Variants in UPF1 observed in about 807,000 individuals in gnomAD.
UPF1 encodes UPF1 RNA helicase and ATPase, also known as regulator of nonsense transcripts 1.
UPF1 carries 9 observed loss-of-function variants against 129.2 expected under a neutral mutation model. That is an observed-to-expected ratio of 0.07 (90% CI 0.04 to 0.12). UPF1 has a LOEUF of 0.12. UPF1 is among the 10% of genes least tolerant of loss of function. The pLI, the probability that UPF1 is intolerant of heterozygous loss-of-function variation, is 1.00. For missense variants in UPF1, 788 were observed against 1,525.3 expected (o/e 0.52, Z 8.05); for synonymous variants, 649 against 644.9 (o/e 1.01, Z -0.10).
chr19:18,849,484 G>A (rs2055634960), intron 3 of UPF1: 1 of 157,772 alleles, frequency 6.3e-6, no homozygotes, highest in Admixed American at 6.1e-5. Flanking sequence ...CAAGGAAGGA[G>A]CCGAGCCAGC....
rs2055837343 is a variant in UPF1, at chr19:18,865,805, AC to A, written c.3237+29del. On this transcript the variant is annotated intron_variant, in intron 22 of 23. Coordinates refer to ENST00000262803, the MANE Select transcript of UPF1 (RefSeq NM_002911.4). The surrounding 1 kb of genome is among the most constrained non-coding windows in gnomAD (Gnocchi z 6.1). Reference sequence around the variant, plus strand: ...TGAGCCCGCCCCTGGGACGGGACTTACCTGAGTGAGGGTGGGGCTATGCACC... The same window carrying A: ...TGAGCCCGCCCCTGGGACGGGACTTACTGAGTGAGGGTGGGGCTATGCACC... The A allele has an allele frequency of 6.2e-7, 1 of 1,610,832 alleles. No homozygotes were observed. Among genetic ancestry groups the A allele is most frequent in the African/African-American group, 1.3e-5 (1 of 74,874 alleles).
rs555432688 is a variant in UPF1, at chr19:18,857,246, A to G, written c.1969-74A>G. 2.6e-5 allele frequency: 40 copies of G among 1,529,762 alleles called. No individual in the cohort carries two copies. In the South Asian group the frequency reaches 3.0e-4, roughly 12 times the overall value. 94.8% of individuals were successfully genotyped at this position (1,529,762 alleles called of 1,614,324 possible). The stretch of plus-strand genomic sequence containing the variant: ...GTGTCCTGTGCATCCTGGGGCCCCT[A>G]CTTCCTTGCTAGTGTGTGTTGAGGC... On this transcript the variant is annotated intron_variant, in intron 14 of 23. Coordinates refer to ENST00000262803, the MANE Select transcript of UPF1 (RefSeq NM_002911.4).
At position 18,850,940 on chromosome 19, in the gene UPF1, G is replaced by A; in HGVS notation, c.810+72G>A. 1 of 1,448,272 alleles carries A rather than the reference G, an allele frequency of 6.9e-7. No individual in the cohort carries two copies. The highest frequency in any genetic ancestry group is 9.1e-7 in the Non-Finnish European group (1 of 1,095,258). 89.7% of individuals were successfully genotyped at this position (1,448,272 alleles called of 1,614,324 possible). On this transcript the variant is annotated intron_variant, in intron 5 of 23. Coordinates refer to ENST00000262803, the MANE Select transcript of UPF1 (RefSeq NM_002911.4). This position sits in a 1 kb window ranked among gnomAD's most constrained non-coding sequence, Gnocchi z 7.1. ...TTGCGGGGAGGGGAGTGTCTTCAGA[G>A]ACGGCTTGACCCAGTGAGACCGCTG...
Position 18,832,231 on chromosome 19 carries a change from C to T in UPF1, c.22C>T (p.Pro8Ser), listed in dbSNP as rs1370125468. Residue 8 changes from proline (P) to serine (S), a missense_variant, in exon 1 of 24, where the codon CCC (proline) becomes TCC (serine). Pro to Ser is a moderately conservative substitution (Grantham distance 74). Transcript: ENST00000262803. This position sits in a 1 kb window ranked among gnomAD's most constrained non-coding sequence, Gnocchi z 5.6. ...CACCATGAGCGTGGAGGCGTACGGG[C>T]CCAGCTCGCAGACTCTCACTTTCCT... MSVEAYG[P>S]SSQTLTFLDT... is the part of the protein sequence containing the mutation. The T allele has an allele frequency of 1.3e-6, 2 of 1,547,360 alleles. No homozygotes were observed. Among genetic ancestry groups the T allele is most frequent in the Non-Finnish European group, 1.7e-6 (2 of 1,146,288 alleles).
rs2055684949 is a variant in UPF1 at position 18,853,699 on chromosome 19, A to G, written c.1156+349A>G. Among the ~76,000 whole-genome samples, 1 of 152,232 alleles carries G rather than the reference A, an allele frequency of 6.6e-6. No homozygotes were observed. The highest frequency in any genetic ancestry group is 2.1e-4 in the South Asian group (1 of 4,834). Reference sequence around the variant, plus strand: ...GTGGCTGCAGGAGCGCCTTACCTGGACGCTGACTCTGCACACGGAGGTTCC... The same window carrying G: ...GTGGCTGCAGGAGCGCCTTACCTGGGCGCTGACTCTGCACACGGAGGTTCC... On this transcript the variant is annotated intron_variant, in intron 8 of 23. Transcript: ENST00000262803. This position sits in a 1 kb window ranked among gnomAD's most constrained non-coding sequence, Gnocchi z 4.4.
chr19:18,842,238 G>T (rs1254895860), intron 1 of UPF1, among the ~76,000 whole-genome samples: 1 of 152,212 alleles, frequency 6.6e-6, no homozygotes, highest in Admixed American at 6.5e-5. Flanking sequence ...ATCACGTGCA[G>T]TCATTAACTG....
chr19:18,860,551 C>T, intron 16 of UPF1, 113 bp downstream of exon 16: 2 of 1,040,326 alleles, frequency 1.9e-6, no homozygotes, highest in Non-Finnish European at 2.9e-6. Flanking sequence ...GCCTTCATTT[C>T]CTGTTTAGCC....
At chr19:18,840,415 C>T (rs2055529292) in intron 1 of UPF1, among the ~76,000 whole-genome samples, 1 of 152,170 alleles carries the variant, frequency 6.6e-6, no homozygotes, top group Non-Finnish European at 1.5e-5. Context: ...TGGGGAGGCA[C>T]CGTCCTGAGG....
chr19:18,863,167 C>G (rs2055800272), intron 18 of UPF1: 1 of 389,506 alleles, frequency 2.6e-6, no homozygotes, highest in South Asian at 4.7e-5. Context: ...ACTCTCTTGA[C>G]AGCAGGTCTT....
chr19:18,855,755 G>A (rs559076649), intron 11 of UPF1, 170 bp from the exon 12 acceptor site: 15 of 902,066 alleles, frequency 1.7e-5, no homozygotes, highest in South Asian at 1.4e-4. Flanking sequence ...GGCTGAGGTG[G>A]GAGGATTGCT....
chr19:18,866,302 C>G (rs2055843550), intron 23 of UPF1, 136 bp downstream of exon 23: 7 of 1,330,040 alleles, frequency 5.3e-6, no homozygotes, highest in African/African-American at 1.5e-5. Context: ...CATAGGCCCT[C>G]AGGGCCAGCT....
In UPF1 at chr19:18,861,271, A is replaced by G. The variant is rs549108593; in HGVS notation, c.2457+289A>G. 9.2e-5 allele frequency among the ~76,000 whole-genome samples: 14 copies of G among 152,384 alleles called. No individual in the cohort carries two copies. In the South Asian group the frequency reaches 2.9e-3, roughly 32 times the overall value. ...TTCTCGGGATGGTTGAAACAAGTCCAAGGTGGAACGGCAGTGGTCTGTGCC... is the reference window on the plus strand; with the variant it reads ...TTCTCGGGATGGTTGAAACAAGTCCGAGGTGGAACGGCAGTGGTCTGTGCC... On this transcript the variant is annotated intron_variant, in intron 17 of 23. Coordinates refer to ENST00000262803, the MANE Select transcript of UPF1 (RefSeq NM_002911.4).
chr19:18,832,449 C>A lies in UPF1; in HGVS notation c.231+9C>A. 1.0e-6 allele frequency: 1 copy of A among 997,224 alleles called. No individual in the cohort carries two copies. The highest frequency in any genetic ancestry group is 1.2e-6 in the Non-Finnish European group (1 of 837,946). 61.8% of individuals were successfully genotyped at this position (997,224 alleles called of 1,614,324 possible). On this transcript the variant is annotated intron_variant, in intron 1 of 23. Transcript: ENST00000262803. The surrounding 1 kb of genome is among the most constrained non-coding windows in gnomAD (Gnocchi z 5.6). ...GACAGCTCGACGCGCAGGTGAGCGG[C>A]ACATGGCGGTGCCGGAAGCCCGGGC... is the stretch of plus-strand genomic sequence containing the variant.
chr19:18,857,228 G>A, intron 14 of UPF1, 92 bp from the exon 15 acceptor site: 5 of 1,492,564 alleles, frequency 3.3e-6, no homozygotes, highest in Non-Finnish European at 4.5e-6. Flanking sequence ...GTGGTGTCCT[G>A]TGCATCCTGG....
Position 18,865,500 on chromosome 19 carries a change from G to C in UPF1, c.3019+50G>C. 1 of 1,612,440 alleles carries C rather than the reference G, an allele frequency of 6.2e-7. No individual in the cohort carries two copies. The highest frequency in any genetic ancestry group is 1.1e-5 in the South Asian group (1 of 91,058). ...GTGTGGCCCTCCTGAGAGCTCTTGA[G>C]GGTGTGCTTGTCTGCGAGGCCCTGG... On this transcript the variant is annotated intron_variant, in intron 21 of 23. Transcript: ENST00000262803. The surrounding 1 kb of genome is among the most constrained non-coding windows in gnomAD (Gnocchi z 6.1).
In UPF1 at chr19:18,866,040, T is replaced by TC; in HGVS notation, c.3238-3dup. 1.9e-6 allele frequency: 3 copies of TC among 1,613,598 alleles called. No homozygotes were observed. The highest frequency in any genetic ancestry group is 2.5e-6 in the Non-Finnish European group (3 of 1,179,940). On this transcript the variant is annotated splice_region_variant and splice_polypyrimidine_tract_variant and intron_variant, in intron 22 of 23. Transcript: ENST00000262803. ...CTTGCTTACCTCCTGACCTTGTCTTTCAGGACAGTTACCTTGGTGACGAGT... is the reference window on the plus strand; with the variant it reads ...CTTGCTTACCTCCTGACCTTGTCTTTCCAGGACAGTTACCTTGGTGACGAGT...
intron 1 of UPF1, among the ~76,000 whole-genome samples, chr19:18,834,187 T>C (rs2055458989): frequency 6.6e-6 from 1 of 152,130 alleles, no homozygotes; most frequent in Non-Finnish European, 1.5e-5. Context: ...CATGTGTGAG[T>C]CGACTGTATA....
At chr19:18,857,643 A>T in intron 15 of UPF1, 110 bp downstream of exon 15, 1 of 1,265,904 alleles carries the variant, frequency 7.9e-7, no homozygotes, top group East Asian at 2.6e-5. Flanking sequence ...GGCTTCACAT[A>T]GCCACTGCTT....
intron 1 of UPF1, among the ~76,000 whole-genome samples, chr19:18,837,456 G>C (rs140085320): frequency 1.2e-4 from 19 of 152,326 alleles, no homozygotes; most frequent in African/African-American, 4.6e-4. Flanking sequence ...GTGTGTGTAC[G>C]CAGGGCTGCG....
Sources: allele counts gnomAD v4.1 joint callset (sites outside exome capture counted in the v4.1 genomes callset), GRCh38; gene constraint gnomAD v4.1.1; non-coding constraint Gnocchi (gnomAD v3.1); transcripts MANE v1.5; gene names NCBI Gene and HGNC (gene_info 2026-07-23, HGNC 2026-07-21).